The following KCNC2 variants were observed in gnomAD, a reference collection of about 807,000 sequenced individuals.
KCNC2 encodes the protein potassium voltage-gated channel subfamily C member 2.
A neutral mutation model predicts 44.5 loss-of-function variants in KCNC2; 21 were observed. The ratio of observed to expected loss-of-function variants is 0.47; its 90% CI spans 0.33 to 0.68. The LOEUF is 0.68. KCNC2 is among the 30% of genes least tolerant of loss of function. The probability of loss-of-function intolerance (pLI) is 0.01; values close to 1 mark genes in which losing one functional copy is unlikely to be tolerated. For synonymous variants in KCNC2, 391 were observed against 339.1 expected (o/e 1.15, Z -1.68); for missense variants, 589 against 826.2 (o/e 0.71, Z 3.52).
At chr12:75,133,611 T>C (rs1474456945) in intron 2 of KCNC2, among the ~76,000 whole-genome samples, 2 of 152,012 alleles carry the variant, frequency 1.3e-5, no homozygotes, top group African/African-American at 2.4e-5. Flanking sequence ...AAATTTTTAC[T>C]ATTTAGCAGT....
intron 2 of KCNC2, among the ~76,000 whole-genome samples, chr12:75,096,574 T>C (rs1358730316): frequency 3.3e-5 from 5 of 152,072 alleles, no homozygotes; most frequent in African/African-American, 1.2e-4. Context: ...AGAGAAACTG[T>C]ATTTCCTCAG....
chr12:75,117,352 C>A (rs893371509), intron 2 of KCNC2, among the ~76,000 whole-genome samples: 12 of 152,286 alleles, frequency 7.9e-5, no homozygotes, highest in African/African-American at 2.9e-4. Flanking sequence ...CTACAACCAC[C>A]AATGGGATAG....
chr12:75,054,175 A>C (rs1471608775), intron 2 of KCNC2, among the ~76,000 whole-genome samples: 1 of 151,918 alleles, frequency 6.6e-6, no homozygotes, highest in East Asian at 1.9e-4. Context: ...GCAGTGAGCC[A>C]AGATTGTGCC....
At chr12:75,115,752 C>A (rs1262210230) in intron 2 of KCNC2, among the ~76,000 whole-genome samples, 1 of 151,976 alleles carries the variant, frequency 6.6e-6, no homozygotes, top group Non-Finnish European at 1.5e-5. Context: ...TTCTTCGTAT[C>A]TTTTTTTAAA....
chr12:75,190,499 A>T (rs2030096762), intron 2 of KCNC2, among the ~76,000 whole-genome samples: 1 of 152,230 alleles, frequency 6.6e-6, no homozygotes, highest in Non-Finnish European at 1.5e-5. Context: ...TGCTCACAGC[A>T]TAGAAATGTT....
intron 2 of KCNC2, among the ~76,000 whole-genome samples, chr12:75,077,514 A>G (rs1365563401): frequency 6.6e-6 from 1 of 152,210 alleles, no homozygotes; most frequent in East Asian, 1.9e-4. Context: ...AGTATCTGAT[A>G]CAAATCATTT....
intron 2 of KCNC2, among the ~76,000 whole-genome samples, chr12:75,198,979 C>T (rs1264902883): frequency 1.3e-5 from 2 of 151,678 alleles, no homozygotes; most frequent in African/African-American, 4.8e-5. Flanking sequence ...TAAATCACGA[C>T]ATTTTATAAA....
chr12:75,079,221 G>C (rs917949205), intron 2 of KCNC2, among the ~76,000 whole-genome samples: 1 of 152,016 alleles, frequency 6.6e-6, no homozygotes, highest in African/African-American at 2.4e-5. Context: ...CTCCATTGAG[G>C]AGAATTGTTA....
At chr12:75,067,264 C>T (rs997613537) in intron 2 of KCNC2, among the ~76,000 whole-genome samples, 3 of 152,024 alleles carry the variant, frequency 2.0e-5, no homozygotes, top group Non-Finnish European at 4.4e-5. Flanking sequence ...AGTTAGGTCA[C>T]GTGTTTAGAG....
chr12:75,071,330 C>G (rs1433918291), intron 2 of KCNC2, among the ~76,000 whole-genome samples: 1 of 152,092 alleles, frequency 6.6e-6, no homozygotes, highest in Non-Finnish European at 1.5e-5. Context: ...TTTCATCTCT[C>G]CTTCTTAGAC....
At chr12:75,208,231 G>A (rs963159350) in intron 1 of KCNC2, among the ~76,000 whole-genome samples, 3 of 152,032 alleles carry the variant, frequency 2.0e-5, no homozygotes, top group Non-Finnish European at 2.9e-5. Flanking sequence ...AGTCTTTCTT[G>A]ACCTTTCATG....
rs1043874947 is a variant in KCNC2, at chr12:75,205,295, C to T, written c.687+2002G>A. Reference sequence around the variant, plus strand: ...TCATCTACAGTATAAAGGGTCTTGACTAAACGTGACCTCAAATAAATTTTT... The same window carrying T: ...TCATCTACAGTATAAAGGGTCTTGATTAAACGTGACCTCAAATAAATTTTT... On this transcript the variant is annotated intron_variant, in intron 2 of 4. Transcript: ENST00000549446. Among the ~76,000 whole-genome samples the T allele has an allele frequency of 3.9e-5, 6 of 152,286 alleles. 2 individuals carry two copies. The South Asian group carries it at 1.2e-3, about 32-fold the overall frequency.
chr12:75,152,643 T>C (rs962709645), intron 2 of KCNC2, among the ~76,000 whole-genome samples: 2 of 152,016 alleles, frequency 1.3e-5, no homozygotes, highest in African/African-American at 4.8e-5. Context: ...ACATTAATCG[T>C]ATAACTTACC....
chr12:75,062,107 C>A (rs1300055349), intron 2 of KCNC2, among the ~76,000 whole-genome samples: 1 of 151,978 alleles, frequency 6.6e-6, no homozygotes, highest in African/African-American at 2.4e-5. Flanking sequence ...TTTATTTAAT[C>A]TTAACAACAT....
intron 2 of KCNC2, among the ~76,000 whole-genome samples, chr12:75,188,668 TG>T (rs1191670228): frequency 6.6e-6 from 1 of 151,710 alleles, no homozygotes; most frequent in African/African-American, 2.4e-5. Flanking sequence ...AAGACCAGCC[TG>T]GTCAACATGT....
intron 2 of KCNC2, among the ~76,000 whole-genome samples, chr12:75,188,835 C>G (rs1188226652): frequency 1.3e-5 from 2 of 151,084 alleles, no homozygotes; most frequent in East Asian, 3.9e-4. Context: ...CTCACTGCAG[C>G]CTGGTGACAG....
chr12:75,109,601 C>A (rs1023338083), intron 2 of KCNC2, among the ~76,000 whole-genome samples: 14 of 152,090 alleles, frequency 9.2e-5, no homozygotes, highest in Non-Finnish European at 1.3e-4. Flanking sequence ...TTGTGCAGAT[C>A]GTGATCATAA....
chr12:75,074,934 C>G (rs1009176586), intron 2 of KCNC2, among the ~76,000 whole-genome samples: 2 of 152,046 alleles, frequency 1.3e-5, no homozygotes, highest in African/African-American at 4.8e-5. Flanking sequence ...TTACTTGAAT[C>G]AAACTTCAGA....
chr12:75,138,076 C>A (rs1331440300), intron 2 of KCNC2, among the ~76,000 whole-genome samples: 2 of 152,134 alleles, frequency 1.3e-5, no homozygotes, highest in Non-Finnish European at 2.9e-5. Context: ...GACTCACTGA[C>A]CTGGACATAA....
Sources: gnomAD v4.1 joint callset for allele counts (sites outside exome capture counted in the v4.1 genomes callset) on GRCh38, gnomAD v4.1.1 for gene constraint, MANE v1.5 for transcripts, NCBI Gene and HGNC (gene_info 2026-07-23, HGNC 2026-07-21) for gene names.